GANC: variants seen among roughly 807,000 people sequenced by gnomAD.
GANC encodes glucosidase alpha, neutral C.
In GANC, 117 loss-of-function variants were observed where a neutral mutation model predicts 124.2. The ratio of observed to expected loss-of-function variants is 0.94; its 90% CI spans 0.81 to 1.10. The LOEUF is 1.10. Ranked by LOEUF, GANC falls within the 50% of genes least tolerant of loss-of-function variation. The pLI is 0.00. For synonymous variants in GANC, 377 were observed against 376.8 expected (o/e 1.00, Z -0.01); for missense variants, 1,140 against 1,095.0 (o/e 1.04, Z -0.58).
chr15:42,293,004 A>G, intron 5 of GANC, 87 bp downstream of exon 5: 1 of 1,304,412 alleles, frequency 7.7e-7, no homozygotes, highest in Non-Finnish European at 1.1e-6. Flanking sequence ...ACATAGCACC[A>G]TAGAAAATTG....
chr15:42,352,455 A>G lies in GANC; in HGVS notation c.*316A>G. ...CAGCAGGGCTGCGTGGGTCTGTTTT[A>G]ACGTGGGCCAAGCCTACCTGGGCAG... On this transcript the variant is annotated 3_prime_UTR_variant, in exon 24 of 24. Coordinates refer to ENST00000318010, the MANE Select transcript of GANC (RefSeq NM_198141.3). 1 of 1,072,732 alleles carries G rather than the reference A, an allele frequency of 9.3e-7. No homozygotes were observed. Among genetic ancestry groups the G allele is most frequent in the South Asian group, 3.0e-5 (1 of 33,722 alleles). The allele number at this position is 1,072,732 out of a possible 1,614,324, so 66.5% of individuals were successfully genotyped here.
Position 42,343,085 on chromosome 15 carries a change from A to G in GANC, c.2160A>G (p.Ala720=), listed in dbSNP as rs530026276. Residue 720 remains alanine, a synonymous_variant, in exon 19 of 24, where the codon GCA becomes GCG. Coordinates refer to ENST00000318010, the MANE Select transcript of GANC (RefSeq NM_198141.3). Reference sequence around the variant, plus strand: ...TTCCTCTCCATTACTTAGGGAGTGCATTATTGGTTCATCCAGTCACAGAAC... The same window carrying G: ...TTCCTCTCCATTACTTAGGGAGTGCGTTATTGGTTCATCCAGTCACAGAAC... ...DMEDEYMLGS[A]LLVHPVTEPK... The G allele has an allele frequency of 9.9e-6, 16 of 1,613,702 alleles. No homozygotes were observed. Among genetic ancestry groups the G allele is most frequent in the African/African-American group, 4.0e-5 (3 of 75,028 alleles).
At chr15:42,285,319 G>A (rs1179989887) in intron 3 of GANC, among the ~76,000 whole-genome samples, 1 of 152,092 alleles carries the variant, frequency 6.6e-6, no homozygotes, top group Non-Finnish European at 1.5e-5. Flanking sequence ...ACTCTAAGGT[G>A]GGACACTGAG....
At chr15:42,293,896 A>G (rs1212165476) in intron 5 of GANC, among the ~76,000 whole-genome samples, 1 of 151,464 alleles carries the variant, frequency 6.6e-6, no homozygotes, top group Non-Finnish European at 1.5e-5. Flanking sequence ...AAAAAATACA[A>G]AAAAATTAGC....
intron 5 of GANC, among the ~76,000 whole-genome samples, chr15:42,293,433 T>C (rs1190465368): frequency 6.6e-6 from 1 of 152,168 alleles, no homozygotes; most frequent in Non-Finnish European, 1.5e-5. Flanking sequence ...GTTCTTTCTA[T>C]TTTTATCATG....
chr15:42,330,433 G>A (rs1441199365), intron 14 of GANC, 143 bp from the exon 15 acceptor site: 17 of 589,678 alleles, frequency 2.9e-5, no homozygotes, highest in Non-Finnish European at 5.0e-5. Flanking sequence ...ATTATACCAT[G>A]AAAATTATTT....
chr15:42,318,266 T>G lies in GANC; in HGVS notation c.1058-3519T>G, dbSNP rs541323664. ...TTATTCCCTTGCTGTGTTTATTTGT[T>G]TGTAGCATCTTCTGGTAGTTTCCTA... is the stretch of plus-strand genomic sequence containing the variant. On this transcript the variant is annotated intron_variant, in intron 10 of 23. Transcript: ENST00000318010. Among the ~76,000 whole-genome samples the G allele has an allele frequency of 3.3e-5, 5 of 152,340 alleles. No individual in the cohort carries two copies. In the East Asian group the frequency reaches 9.6e-4, roughly 29 times the overall value.
At chr15:42,274,954 T>C (rs1195576503) in intron 1 of GANC, among the ~76,000 whole-genome samples, 2 of 152,202 alleles carry the variant, frequency 1.3e-5, no homozygotes, top group Non-Finnish European at 2.9e-5. Flanking sequence ...ATCAGAACTC[T>C]TAACACGTGA....
chr15:42,344,388 T>A (rs1293438545), intron 19 of GANC, among the ~76,000 whole-genome samples: 1 of 152,170 alleles, frequency 6.6e-6, no homozygotes, highest in Non-Finnish European at 1.5e-5. Context: ...TATCTTCATG[T>A]TGCCTTTTCC....
At chr15:42,310,515 CT>C in intron 9 of GANC, 52 bp downstream of exon 9, 2 of 1,521,802 alleles carry the variant, frequency 1.3e-6, no homozygotes, top group African/African-American at 1.4e-5. Context: ...AACAAAACCA[CT>C]GCAGTGGAGT....
At chr15:42,275,141 A>G (rs2051651722) in intron 1 of GANC, among the ~76,000 whole-genome samples, 1 of 152,136 alleles carries the variant, frequency 6.6e-6, no homozygotes, top group African/African-American at 2.4e-5. Context: ...TGGGAGGCCT[A>G]TAGGTGGGCA....
At position 42,276,533 on chromosome 15, in the gene GANC, A is replaced by C. The variant is rs529632063; in HGVS notation, c.92+123A>C. On this transcript the variant is annotated intron_variant, in intron 2 of 23. Coordinates refer to ENST00000318010, the MANE Select transcript of GANC (RefSeq NM_198141.3). ...AAAGGATAATTTAATAATTAAGGAA[A>C]TCATCAGACAGGAGACTCACTTTTA... is the stretch of plus-strand genomic sequence containing the variant. 81 of 547,698 alleles carry C rather than the reference A, an allele frequency of 1.5e-4. 1 individual carries two copies. In the South Asian group the frequency reaches 1.8e-3, roughly 12 times the overall value. The allele number at this position is 547,698 out of a possible 1,614,324, so 33.9% of individuals were successfully genotyped here. A position where few individuals can be genotyped will look rare whatever the true frequency, so the allele number is the denominator to read the frequency against.
chr15:42,352,214 T>C lies in GANC; in HGVS notation c.*75T>C. 2.5e-6 allele frequency: 4 copies of C among 1,582,412 alleles called. No individual in the cohort carries two copies. The highest frequency in any genetic ancestry group is 2.6e-6 in the Non-Finnish European group (3 of 1,161,394). On this transcript the variant is annotated 3_prime_UTR_variant, in exon 24 of 24. Coordinates refer to ENST00000318010, the MANE Select transcript of GANC (RefSeq NM_198141.3). ...ACCTTTCCCCTCACCTTTTTTGAGA[T>C]TTTTGCTGCAATCTGTTTGCCTTCC... is the stretch of plus-strand genomic sequence containing the variant.
At chr15:42,334,937 A>G (rs148304520) in intron 15 of GANC, among the ~76,000 whole-genome samples, 5 of 152,260 alleles carry the variant, frequency 3.3e-5, no homozygotes, top group African/African-American at 1.2e-4. Context: ...AATCCCTGAA[A>G]AGACTAATAA....
chr15:42,294,845 A>G (rs1231124908), intron 5 of GANC, among the ~76,000 whole-genome samples: 1 of 151,472 alleles, frequency 6.6e-6, no homozygotes, highest in East Asian at 1.9e-4. Context: ...GTTGTTTCTA[A>G]TCTTGTTTTA....
rs1003521276 is a variant in GANC at position 42,339,718 on chromosome 15, T to C, written c.1893T>C (p.Arg631=). Residue 631 remains arginine (R), a synonymous_variant, in exon 17 of 24, where the codon CGT becomes CGC. Transcript: ENST00000318010. ...IGNPETELLV[R]WYQAGAYQPF... ...ATCCAGAGACAGAGCTGCTAGTGCG[T>C]TGGTACCAGGCTGGAGCCTACCAGC... 1.2e-6 allele frequency: 2 copies of C among 1,614,168 alleles called. No homozygotes were observed. Among genetic ancestry groups the C allele is most frequent in the Non-Finnish European group, 1.7e-6 (2 of 1,180,022 alleles).
chr15:42,308,133 C>G, intron 7 of GANC, 89 bp from the exon 8 acceptor site: 1 of 742,826 alleles, frequency 1.3e-6, no homozygotes, highest in African/African-American at 1.7e-5. Context: ...AGCCTTTAGT[C>G]TAGTCATCTC....
rs760180704 is a variant in GANC, at chr15:42,287,866, T to C, written c.329+48T>C. On this transcript the variant is annotated intron_variant, in intron 4 of 23. Transcript: ENST00000318010. ...TTAGAGACACGCTTGATATATTCTT[T>C]TATCATATCTTGAGTAATAAATTTT... is the stretch of plus-strand genomic sequence containing the variant. The C allele has an allele frequency of 3.2e-6, 5 of 1,562,692 alleles. No individual in the cohort carries two copies. In the South Asian group the frequency reaches 3.6e-5, roughly 11 times the overall value.
rs758138199 is a variant in GANC, at chr15:42,310,457, A to G, written c.897A>G (p.Ala299=). ...TGGTGGAGATCAATACAGAGCCTGC[A>G]GTAGAGGTGAGCTATTTATCATGGC... ...ETLVEINTEP[A]VEYTLTQMGP... The change falls in exon 9 of 24, where the codon GCA becomes GCG. Residue 299 remains alanine (A), a synonymous_variant. Coordinates refer to ENST00000318010, the MANE Select transcript of GANC (RefSeq NM_198141.3). 4 of 1,596,258 alleles carry G rather than the reference A, an allele frequency of 2.5e-6. No homozygotes were observed. The highest frequency in any genetic ancestry group is 3.4e-6 in the Non-Finnish European group (4 of 1,169,988).
Sources: gnomAD v4.1 joint callset for allele counts (sites outside exome capture counted in the v4.1 genomes callset) on GRCh38, gnomAD v4.1.1 for gene constraint, MANE v1.5 for transcripts, NCBI Gene and HGNC (gene_info 2026-07-23, HGNC 2026-07-21) for gene names.